The following RNF19A variants were observed in gnomAD, a reference collection of about 807,000 sequenced individuals.
The protein encoded by RNF19A is ring finger protein 19A, RBR E3 ubiquitin protein ligase.
In RNF19A, 32 loss-of-function variants were observed where a neutral mutation model predicts 75.7. The ratio of observed to expected loss-of-function variants is 0.42; its 90% CI spans 0.32 to 0.57. The LOEUF is 0.57. Among genes scored for constraint, RNF19A ranks in the 20% least tolerant of loss-of-function variants. The pLI is 0.10. For missense variants in RNF19A, 782 were observed against 1,036.3 expected (o/e 0.75, Z 3.37); for synonymous variants, 335 against 345.2 (o/e 0.97, Z 0.33).
chr8:100,328,401 G>A (rs760211371), intron 1 of RNF19A, among the ~76,000 whole-genome samples: 2 of 152,042 alleles, frequency 1.3e-5, no homozygotes, highest in Non-Finnish European at 2.9e-5. Context: ...ACATGCACAG[G>A]TTCTAGTCTA....
chr8:100,263,022 A>C (rs1819797432), intron 7 of RNF19A, among the ~76,000 whole-genome samples: 1 of 152,202 alleles, frequency 6.6e-6, no homozygotes, highest in Non-Finnish European at 1.5e-5. Context: ...TTGGCTGTAG[A>C]CAAGTTAAGC....
Position 100,330,559 on chromosome 8 carries a change from C to G in RNF19A, c.-243+5549G>C, listed in dbSNP as rs915650573. ...TTGCAAAGCTGGAGTTGCCAGAAGCCAACATGTGGAAAGAGTCTGCAAGAG... is the reference window on the plus strand; with the variant it reads ...TTGCAAAGCTGGAGTTGCCAGAAGCGAACATGTGGAAAGAGTCTGCAAGAG... On this transcript the variant is annotated intron_variant, in intron 1 of 3. Transcript: ENST00000519527. This position sits in a 1 kb window ranked among gnomAD's most constrained non-coding sequence, Gnocchi z 4.1. 2.0e-5 allele frequency among the ~76,000 whole-genome samples: 3 copies of G among 152,118 alleles called. No homozygotes were observed. Among genetic ancestry groups the G allele is most frequent in the African/African-American group, 7.2e-5 (3 of 41,406 alleles).
At chr8:100,306,827 G>A (rs1410805692) in intron 1 of RNF19A, among the ~76,000 whole-genome samples, 1 of 152,002 alleles carries the variant, frequency 6.6e-6, no homozygotes, top group East Asian at 1.9e-4. Flanking sequence ...AACTGGCATG[G>A]CTTAAAAAAA....
At chr8:100,266,229 T>C (rs1000413486) in intron 5 of RNF19A, among the ~76,000 whole-genome samples, 1 of 152,244 alleles carries the variant, frequency 6.6e-6, no homozygotes, top group Non-Finnish European at 1.5e-5. Flanking sequence ...CCTAGGCTGG[T>C]TGGGATCCCA....
rs531980694 is a variant in RNF19A, at chr8:100,259,146, G to A, written c.1927C>T (p.Arg643Ter). ...CTGGATGAACCGCCAGCATGACTTC[G>A]GGTGGCACTGCCATCATCCACACTA... ...SSSVDDGSAT[R>*]SHAGGSSSGL... The change falls in exon 10 of 10, where the codon CGA becomes TGA. Residue 643 changes from arginine to a stop codon, truncating the protein, a stop_gained. Coordinates refer to ENST00000341084, the MANE Select transcript of RNF19A (RefSeq NM_183419.4). LOFTEE classifies it high-confidence loss of function. This position sits in a 1 kb window ranked among gnomAD's most constrained non-coding sequence, Gnocchi z 4.5. 2.4e-5 allele frequency: 38 copies of A among 1,613,924 alleles called. No homozygotes were observed. Among genetic ancestry groups the A allele is most frequent in the African/African-American group, 4.0e-5 (3 of 74,880 alleles).
rs1586591596 is a variant in RNF19A at position 100,261,668 on chromosome 8, C to T, written c.1556G>A (p.Gly519Glu). 6.2e-7 allele frequency: 1 copy of T among 1,614,130 alleles called. No homozygotes were observed. Among genetic ancestry groups the T allele is most frequent in the Non-Finnish European group, 8.5e-7 (1 of 1,180,008 alleles). Residue 519 changes from glycine (G) to glutamate (E), a missense_variant, in exon 8 of 10, where the codon GGA becomes GAA. Around this residue, in one of 7 missense-constraint regions of RNF19A, gnomAD observed 442 missense variants for 541.6 expected, o/e 0.82. Coordinates refer to ENST00000341084, the MANE Select transcript of RNF19A (RefSeq NM_183419.4). The surrounding 1 kb of genome is among the most constrained non-coding windows in gnomAD (Gnocchi z 4.4). ...GGLTGSLSAS[G>E]SHMDRIGAIR... Reference sequence around the variant, plus strand: ...GGCTCCTATTCGATCCATGTGGCTTCCACTTGCACTCAAACTGCCAGTCAG... The same window carrying T: ...GGCTCCTATTCGATCCATGTGGCTTTCACTTGCACTCAAACTGCCAGTCAG...
At chr8:100,300,048 G>C (rs1264663683) in intron 1 of RNF19A, among the ~76,000 whole-genome samples, 1 of 152,142 alleles carries the variant, frequency 6.6e-6, no homozygotes, top group African/African-American at 2.4e-5. Context: ...CTAGAACTTA[G>C]TTTTAAAATT....
At chr8:100,321,336 T>C (rs1822463152) in intron 1 of RNF19A, among the ~76,000 whole-genome samples, 1 of 152,216 alleles carries the variant, frequency 6.6e-6, no homozygotes, top group Admixed American at 6.5e-5. Context: ...TCTCCAAGAG[T>C]AGATTCCATC....
At position 100,260,519 on chromosome 8, in the gene RNF19A, C is replaced by A. The variant is rs1055602248; in HGVS notation, c.1683-522G>T. Among the ~76,000 whole-genome samples, 1 of 152,064 alleles carries A rather than the reference C, an allele frequency of 6.6e-6. No individual in the cohort carries two copies. The highest frequency in any genetic ancestry group is 1.5e-5 in the Non-Finnish European group (1 of 68,006). ...TCCTGGCCTCAAGCTATCCTCCCAA[C>A]CTGGCCTCCCAAAGTGCTGGGATTA... On this transcript the variant is annotated intron_variant, in intron 8 of 9. Transcript: ENST00000341084. The surrounding 1 kb of genome is among the most constrained non-coding windows in gnomAD (Gnocchi z 4.1).
chr8:100,304,503 C>T (rs564053484), intron 1 of RNF19A, among the ~76,000 whole-genome samples: 9 of 152,322 alleles, frequency 5.9e-5, no homozygotes, highest in East Asian at 1.9e-4. Context: ...CCCCCACTTA[C>T]GCACTCACAT....
chr8:100,332,259 T>C lies in RNF19A; in HGVS notation c.-243+3849A>G, dbSNP rs1290583324. Among the ~76,000 whole-genome samples, 1 of 152,208 alleles carries C rather than the reference T, an allele frequency of 6.6e-6. No individual in the cohort carries two copies. Among genetic ancestry groups the C allele is most frequent in the Non-Finnish European group, 1.5e-5 (1 of 68,034 alleles). ...ATCCCCAAGTGTCGAGGGAGGGATGTGGTGGGAAGTGATTGGGTCATGGTG... is the reference window on the plus strand; with the variant it reads ...ATCCCCAAGTGTCGAGGGAGGGATGCGGTGGGAAGTGATTGGGTCATGGTG... On this transcript the variant is annotated intron_variant, in intron 1 of 3. Coordinates refer to the RNF19A transcript ENST00000519527. This position sits in a 1 kb window ranked among gnomAD's most constrained non-coding sequence, Gnocchi z 4.8.
At chr8:100,299,994 T>C (rs903310494) in intron 1 of RNF19A, among the ~76,000 whole-genome samples, 8 of 152,196 alleles carry the variant, frequency 5.3e-5, no homozygotes, top group Non-Finnish European at 1.0e-4. Flanking sequence ...TATATGTACA[T>C]AGGAGATAAG....
chr8:100,309,763 G>A (rs1822224155), intron 1 of RNF19A, 104 bp downstream of exon 1: 2 of 985,284 alleles, frequency 2.0e-6, no homozygotes, highest in Non-Finnish European at 1.2e-6. Flanking sequence ...TCCCGGGCAG[G>A]GGCGCTAGGG....
In RNF19A at chr8:100,258,528, T is replaced by C; in HGVS notation, c.*28A>G. Reference sequence around the variant, plus strand: ...ACCAGCTCCAAACACGGTTGTACAGTGGTAATTATTCTGCAGCATTTATGG... The same window carrying C: ...ACCAGCTCCAAACACGGTTGTACAGCGGTAATTATTCTGCAGCATTTATGG... On this transcript the variant is annotated 3_prime_UTR_variant, in exon 10 of 10. Coordinates refer to ENST00000341084, the MANE Select transcript of RNF19A (RefSeq NM_183419.4). The surrounding 1 kb of genome is among the most constrained non-coding windows in gnomAD (Gnocchi z 4.3). The C allele has an allele frequency of 1.3e-6, 2 of 1,554,930 alleles. No individual in the cohort carries two copies. The highest frequency in any genetic ancestry group is 1.8e-6 in the Non-Finnish European group (2 of 1,140,574).
At chr8:100,319,573 A>G (rs1259084768) in intron 1 of RNF19A, among the ~76,000 whole-genome samples, 3 of 136,230 alleles carry the variant, frequency 2.2e-5, no homozygotes, top group Admixed American at 8.2e-5. Flanking sequence ...TCTGTCATCC[A>G]GGCTGGAGTG....
At chr8:100,268,146 T>C (rs1217063481) in intron 5 of RNF19A, among the ~76,000 whole-genome samples, 1 of 152,016 alleles carries the variant, frequency 6.6e-6, no homozygotes, top group African/African-American at 2.4e-5. Context: ...AAGTTACTTC[T>C]CAATCCAGAG....
At position 100,269,863 on chromosome 8, in the gene RNF19A, GCTTAC is replaced by G; in HGVS notation, c.1028+1_1028+5del. On this transcript the variant is annotated splice_donor_variant and splice_donor_5th_base_variant and intron_variant, in intron 4 of 9. Coordinates refer to ENST00000341084, the MANE Select transcript of RNF19A (RefSeq NM_183419.4). LOFTEE classifies it high-confidence loss of function. The surrounding 1 kb of genome is among the most constrained non-coding windows in gnomAD (Gnocchi z 5.7). The stretch of plus-strand genomic sequence containing the variant: ...TACATATAAATAGCTCCTTCTATAA[GCTTAC>G]CTTAGATAATGCAAATCTGAGATTT... The G allele has an allele frequency of 6.3e-7, 1 of 1,585,642 alleles. No homozygotes were observed. Among genetic ancestry groups the G allele is most frequent in the Non-Finnish European group, 8.6e-7 (1 of 1,167,418 alleles).
At chr8:100,265,775 T>G (rs1586600886) in intron 5 of RNF19A, among the ~76,000 whole-genome samples, 1 of 152,146 alleles carries the variant, frequency 6.6e-6, no homozygotes, top group African/African-American at 2.4e-5. Context: ...GGGTGATGCA[T>G]GTATGGGACA....
chr8:100,313,520 G>T (rs1321487845), upstream of RNF19A: 1 of 151,882 alleles, frequency 6.6e-6, no homozygotes, highest in African/African-American at 2.4e-5. Context: ...ACGTGGGCCA[G>T]GGGACGGGGG....
Sources: gnomAD v4.1 joint callset for allele counts (sites outside exome capture counted in the v4.1 genomes callset) on GRCh38, gnomAD v4.1.1 for gene constraint, gnomAD v4.1.1 regional missense constraint, Gnocchi (gnomAD v3.1) non-coding constraint, MANE v1.5 for transcripts, NCBI Gene and HGNC (gene_info 2026-07-23, HGNC 2026-07-21) for gene names.